Variants in TPR observed in about 807,000 individuals in gnomAD.
TPR encodes the protein nucleoprotein TPR.
Under a neutral mutation model 316.1 loss-of-function variants are expected in TPR, and 51 were observed. That is an observed-to-expected ratio of 0.16 (90% confidence interval 0.13 to 0.20). The LOEUF (loss-of-function observed/expected upper bound fraction) is 0.20. TPR is among the 10% of genes least tolerant of loss of function. TPR has a pLI of 1.00. For missense variants in TPR, 2,272 were observed against 2,754.8 expected (o/e 0.82, Z 3.92); for synonymous variants, 981 against 914.7 (o/e 1.07, Z -1.31).
At chr1:186,344,796 T>G (rs984106153) in intron 24 of TPR, among the ~76,000 whole-genome samples, 3 of 152,194 alleles carry the variant, frequency 2.0e-5, no homozygotes, top group Non-Finnish European at 4.4e-5. Flanking sequence ...TGGACAAACT[T>G]TTTGATATAA....
At chr1:186,340,700 G>T (rs1658486203) in intron 29 of TPR, among the ~76,000 whole-genome samples, 1 of 151,812 alleles carries the variant, frequency 6.6e-6, no homozygotes, top group Non-Finnish European at 1.5e-5. Context: ...GAAAGTGCTG[G>T]GATTACAGGC....
rs1571648040 is a variant in TPR, at chr1:186,375,049, C to T, written c.-21G>A. On this transcript the variant is annotated 5_prime_UTR_variant, in exon 1 of 51. Transcript: ENST00000367478. Reference sequence around the variant, plus strand: ...GCCATGTCGGTGGGGCCAGGGACCCCAGTGGCAGCGGCCGACGGGGTAGAA... The same window carrying T: ...GCCATGTCGGTGGGGCCAGGGACCCTAGTGGCAGCGGCCGACGGGGTAGAA... The T allele has an allele frequency of 6.2e-7, 1 of 1,613,866 alleles. No homozygotes were observed. Among genetic ancestry groups the T allele is most frequent in the East Asian group, 2.2e-5 (1 of 44,868 alleles).
chr1:186,333,420 A>G (rs1658236319), intron 36 of TPR, 26 bp from the exon 37 acceptor site: 1 of 1,606,490 alleles, frequency 6.2e-7, no homozygotes, highest in South Asian at 1.1e-5. Context: ...AATGCTGAAT[A>G]TAAGCCTTCT....
Position 186,311,957 on chromosome 1 carries a change from T to C in TPR, c.*2014A>G. On this transcript the variant is annotated 3_prime_UTR_variant, in exon 51 of 51. Transcript: ENST00000367478. ...TCACTTTCAATTGAAATTAAATATA[T>C]AACTATGTAATTTGCTGCATCTATT... 1 of 560,078 alleles carries C rather than the reference T, an allele frequency of 1.8e-6. No homozygotes were observed. The highest frequency in any genetic ancestry group is 3.1e-6 in the Non-Finnish European group (1 of 319,730). The allele number at this position is 560,078 out of a possible 1,614,324, so 34.7% of individuals were successfully genotyped here. A position where few individuals can be genotyped will look rare whatever the true frequency, so the allele number is the denominator to read the frequency against.
Position 186,362,974 on chromosome 1 carries a change from T to C in TPR, c.559A>G (p.Lys187Glu). ...GTATTCTGACTATGTAGCAATTCCTTTTCTTGCTCCAAGCGTTTTTCTCGA... is the reference window on the plus strand; with the variant it reads ...GTATTCTGACTATGTAGCAATTCCTCTTCTTGCTCCAAGCGTTTTTCTCGA... The part of the protein sequence containing the change: ...KYREKRLEQE[K>E]ELLHSQNTWL... The change falls in exon 6 of 51, where the codon AAG becomes GAG. Residue 187 changes from lysine (K) to glutamate (E), a missense_variant. This residue lies in a region of TPR where 549 missense variants were observed against 598.6 expected (regional missense o/e 0.92). Coordinates refer to ENST00000367478, the MANE Select transcript of TPR (RefSeq NM_003292.3). 1 of 1,604,438 alleles carries C rather than the reference T, an allele frequency of 6.2e-7. No homozygotes were observed.
chr1:186,363,120 T>C, intron 5 of TPR, 119 bp from the exon 6 acceptor site: 1 of 1,172,946 alleles, frequency 8.5e-7, no homozygotes, highest in Non-Finnish European at 1.2e-6. Flanking sequence ...AATTAAGTAT[T>C]TGCATAGATT....
In TPR at chr1:186,312,947, TGAA is replaced by T. The variant is rs1657393096; in HGVS notation, c.*1021_*1023del. 6.4e-7 allele frequency: 1 copy of T among 1,561,992 alleles called. No homozygotes were observed. The highest frequency in any genetic ancestry group is 8.8e-7 in the Non-Finnish European group (1 of 1,133,514). ...GGAGGTGATATCATTTGTGAAAACATGAAGATAAAGTAAAAATGCTGGCTGCAA... is the reference window on the plus strand; with the variant it reads ...GGAGGTGATATCATTTGTGAAAACATGATAAAGTAAAAATGCTGGCTGCAA... On this transcript the variant is annotated 3_prime_UTR_variant, in exon 51 of 51. Coordinates refer to ENST00000367478, the MANE Select transcript of TPR (RefSeq NM_003292.3).
chr1:186,359,866 C>A lies in TPR; in HGVS notation c.1322G>T (p.Arg441Leu). ...TTTCTGTGCACGTTCATATTCCTCA[C>A]GCTGGCGTTTCAAAATTGGTGCTTT... Reference protein sequence around the residue: ...EAKAPILKRQREEYERAQKAV... With the variant: ...EAKAPILKRQLEEYERAQKAV... Residue 441 changes from arginine to leucine, a missense_variant, in exon 12 of 51, where the codon CGT becomes CTT. Transcript: ENST00000367478. 1 of 1,604,770 alleles carries A rather than the reference C, an allele frequency of 6.2e-7. No homozygotes were observed. Among genetic ancestry groups the A allele is most frequent in the East Asian group, 2.2e-5 (1 of 44,658 alleles).
intron 4 of TPR, among the ~76,000 whole-genome samples, chr1:186,365,102 C>T (rs1017389117): frequency 2.3e-4 from 31 of 137,190 alleles, no homozygotes; most frequent in African/African-American, 7.3e-4. Context: ...AGGGGCTGCC[C>T]TTTTTTTTTT....
intron 36 of TPR, among the ~76,000 whole-genome samples, chr1:186,333,844 A>G (rs943568471): frequency 3.9e-4 from 59 of 152,176 alleles, no homozygotes; most frequent in Non-Finnish European, 1.3e-4. Context: ...AACATTTGTC[A>G]AGATAAGAAT....
At chr1:186,330,393 T>C (rs1658123267) in intron 39 of TPR, among the ~76,000 whole-genome samples, 1 of 152,092 alleles carries the variant, frequency 6.6e-6, no homozygotes, top group Admixed American at 6.6e-5. Flanking sequence ...CTTAAGCTAG[T>C]TTCAACCTGC....
chr1:186,326,254 G>C lies in TPR; in HGVS notation c.5890-19C>G, dbSNP rs777602757. 1.1e-5 allele frequency: 18 copies of C among 1,590,938 alleles called. No individual in the cohort carries two copies. The highest frequency in any genetic ancestry group is 1.7e-5 in the Admixed American group (1 of 57,458). On this transcript the variant is annotated intron_variant, in intron 40 of 50. Transcript: ENST00000367478. ...CATAATCCTAGTAGAAAGTTCCCCA[G>C]GCATAAATAAAAGTTTAGAATATGG...
chr1:186,327,457 T>C lies in TPR; in HGVS notation c.5889+3A>G, dbSNP rs2102060137. 6.2e-7 allele frequency: 1 copy of C among 1,608,596 alleles called. No homozygotes were observed. The highest frequency in any genetic ancestry group is 8.5e-7 in the Non-Finnish European group (1 of 1,179,238). Reference sequence around the variant, plus strand: ...ACACTAGATGATTTCAAATCAAACTTACCTCATGTTCTCCATCATTTTCAT... The same window carrying C: ...ACACTAGATGATTTCAAATCAAACTCACCTCATGTTCTCCATCATTTTCAT... On this transcript the variant is annotated splice_donor_region_variant and intron_variant, in intron 40 of 50. Coordinates refer to ENST00000367478, the MANE Select transcript of TPR (RefSeq NM_003292.3).
intron 18 of TPR, among the ~76,000 whole-genome samples, chr1:186,352,888 G>T (rs150689294): frequency 6.6e-6 from 1 of 152,040 alleles, no homozygotes; most frequent in Admixed American, 6.6e-5. Context: ...TACAAGTAAT[G>T]ATCAAAGACA....
chr1:186,345,321 G>A (rs1658642830), intron 24 of TPR, among the ~76,000 whole-genome samples: 2 of 152,132 alleles, frequency 1.3e-5, no homozygotes, highest in South Asian at 4.1e-4. Context: ...TTTTGCAAAT[G>A]AGAGCCAAGT....
At chr1:186,318,254 G>A (rs1657666263) in intron 48 of TPR, among the ~76,000 whole-genome samples, 193 bp downstream of exon 48, 1 of 151,936 alleles carries the variant, frequency 6.6e-6, no homozygotes, top group African/African-American at 2.4e-5. Context: ...CTTGAACCCA[G>A]GAGGCGGAGG....
At chr1:186,330,259 T>C (rs1269780954) in intron 39 of TPR, among the ~76,000 whole-genome samples, 1 of 152,064 alleles carries the variant, frequency 6.6e-6, no homozygotes, top group African/African-American at 2.4e-5. Flanking sequence ...TAAAAAAATA[T>C]AAGCCTTTGC....
At chr1:186,332,762 G>A (rs924372149) in intron 37 of TPR, among the ~76,000 whole-genome samples, 1 of 152,030 alleles carries the variant, frequency 6.6e-6, no homozygotes, top group Admixed American at 6.6e-5. Flanking sequence ...GTGTCTTTTA[G>A]TCCTCAGGAC....
At chr1:186,319,315 C>T (rs1221024121) in intron 46 of TPR, among the ~76,000 whole-genome samples, 1 of 152,118 alleles carries the variant, frequency 6.6e-6, no homozygotes, top group Non-Finnish European at 1.5e-5. Flanking sequence ...AACTTAAAGA[C>T]ATCCTTTAAA....
Sources: gnomAD v4.1 joint callset for allele counts (sites outside exome capture counted in the v4.1 genomes callset) on GRCh38, gnomAD v4.1.1 for gene constraint, gnomAD v4.1.1 regional missense constraint, MANE v1.5 for transcripts, NCBI Gene and HGNC (gene_info 2026-07-23, HGNC 2026-07-21) for gene names.